CACNA2D3: variants seen among roughly 807,000 people sequenced by gnomAD.
CACNA2D3 encodes the protein voltage-dependent calcium channel subunit alpha-2/delta-3.
A neutral mutation model predicts 160.6 loss-of-function variants in CACNA2D3; 60 were observed. The observed-to-expected ratio is 0.37, with a 90% CI of 0.30 to 0.46. The LOEUF (loss-of-function observed/expected upper bound fraction) is 0.46. Ranked by LOEUF, CACNA2D3 falls within the 20% of genes least tolerant of loss-of-function variation. The probability of loss-of-function intolerance (pLI) is 1.00; values close to 1 mark genes in which losing one functional copy is unlikely to be tolerated. For missense variants in CACNA2D3, 1,205 were observed against 1,365.0 expected (o/e 0.88, Z 1.85); for synonymous variants, 558 against 492.9 (o/e 1.13, Z -1.75).
At chr3:54,250,010 ACT>A (rs1262081148) in intron 2 of CACNA2D3, among the ~76,000 whole-genome samples, 1 of 152,190 alleles carries the variant, frequency 6.6e-6, no homozygotes, top group Non-Finnish European at 1.5e-5. Flanking sequence ...CCCAGAGAAC[ACT>A]GTTTTTCTCT....
chr3:54,217,765 C>T (rs1008739555), intron 2 of CACNA2D3, among the ~76,000 whole-genome samples: 2 of 152,108 alleles, frequency 1.3e-5, no homozygotes, highest in African/African-American at 4.8e-5. Context: ...ATGCATGGCC[C>T]TCAGAACTGG....
chr3:54,255,762 A>G lies in CACNA2D3; in HGVS notation c.205-64680A>G, dbSNP rs76577401. Among the ~76,000 whole-genome samples the G allele has an allele frequency of 6.6e-5, 10 of 152,068 alleles. No homozygotes were observed. The East Asian group carries it at 1.9e-3, about 29-fold the overall frequency. On this transcript the variant is annotated intron_variant, in intron 2 of 37. Transcript: ENST00000474759. The stretch of plus-strand genomic sequence containing the variant: ...GGCCTTTGCTTATGTTGTTTACTCT[A>G]CCTAAGAGCCTCTTCTTTACCTCTA...
chr3:55,051,027 A>C (rs964201094), intron 35 of CACNA2D3, among the ~76,000 whole-genome samples: 1 of 148,352 alleles, frequency 6.7e-6, no homozygotes, highest in African/African-American at 2.5e-5. Flanking sequence ...CAAAGTTTTC[A>C]ACTTCTTTGC....
chr3:54,322,751 C>A (rs1025642717), intron 3 of CACNA2D3, among the ~76,000 whole-genome samples: 6 of 151,788 alleles, frequency 4.0e-5, no homozygotes, highest in Admixed American at 3.9e-4. Flanking sequence ...CAGGAGGGAA[C>A]GTGAACTGGG....
intron 5 of CACNA2D3, among the ~76,000 whole-genome samples, chr3:54,556,296 GGAGA>G (rs1310370067): frequency 6.6e-6 from 1 of 152,066 alleles, no homozygotes; most frequent in African/African-American, 2.4e-5. Flanking sequence ...CTGAGACAAA[GGAGA>G]GAGAGAGATT....
At chr3:54,300,929 G>C (rs1376112654) in intron 2 of CACNA2D3, among the ~76,000 whole-genome samples, 1 of 152,000 alleles carries the variant, frequency 6.6e-6, no homozygotes, top group Non-Finnish European at 1.5e-5. Context: ...GTTGAGACCA[G>C]ATGATCATTT....
At chr3:54,319,157 GACACACACACACACAC>G (rs58790730) in intron 2 of CACNA2D3, among the ~76,000 whole-genome samples, 26 of 138,966 alleles carry the variant, frequency 1.9e-4, no homozygotes, top group Middle Eastern at 3.6e-3. Context: ...AGCATTTTGT[GACACACACACACACAC>G]ACACACACAC....
At chr3:54,491,823 A>C (rs970122920) in intron 4 of CACNA2D3, among the ~76,000 whole-genome samples, 2 of 152,170 alleles carry the variant, frequency 1.3e-5, no homozygotes, top group African/African-American at 4.8e-5. Flanking sequence ...TTTGCAGAAA[A>C]AGTTTGCCAA....
At chr3:54,843,495 C>T (rs547870135) in intron 16 of CACNA2D3, among the ~76,000 whole-genome samples, 32 of 152,056 alleles carry the variant, frequency 2.1e-4, no homozygotes, top group Non-Finnish European at 3.7e-4. Context: ...CTGCCGTGTG[C>T]CTTGAGTGGC....
At chr3:55,055,996 C>G (rs193302246) in intron 35 of CACNA2D3, among the ~76,000 whole-genome samples, 158 of 152,150 alleles carry the variant, frequency 1.0e-3, no homozygotes, top group South Asian at 2.1e-3. Flanking sequence ...AAACAATTAA[C>G]AGTGTGAATA....
chr3:54,145,145 T>G (rs1319410782), intron 2 of CACNA2D3, among the ~76,000 whole-genome samples: 1 of 152,252 alleles, frequency 6.6e-6, no homozygotes, highest in Admixed American at 6.5e-5. Flanking sequence ...GCAAACTGTC[T>G]GTTTAAGCTC....
chr3:54,361,721 GT>G (rs1698746016), intron 3 of CACNA2D3, among the ~76,000 whole-genome samples: 4 of 152,140 alleles, frequency 2.6e-5, no homozygotes. Context: ...TGAGCCTCAG[GT>G]TTTTGTCTGG....
chr3:55,059,901 C>T (rs569843325), intron 35 of CACNA2D3, among the ~76,000 whole-genome samples: 3 of 152,174 alleles, frequency 2.0e-5, no homozygotes, highest in Middle Eastern at 3.4e-3. Context: ...TTCAGATGCT[C>T]CTTTTCTTCT....
intron 4 of CACNA2D3, among the ~76,000 whole-genome samples, chr3:54,394,308 G>C (rs1034055942): frequency 1.4e-5 from 2 of 144,556 alleles, no homozygotes; most frequent in Non-Finnish European, 3.0e-5. Flanking sequence ...CCCTGCCTTG[G>C]AGAGTGAACA....
Position 54,871,210 on chromosome 3 carries a change from CACACACACACA to C in CACNA2D3, c.1627-328_1627-318del, listed in dbSNP as rs776032732. On this transcript the variant is annotated intron_variant, in intron 17 of 37. Transcript: ENST00000474759. ...ACACACACACACACACACACACACA[CACACACACACA>C]CACCCCCCATTCAAGGAGGGGACAG... Among the ~76,000 whole-genome samples, 5 of 116,356 alleles carry C rather than the reference CACACACACACA, an allele frequency of 4.3e-5. 1 individual carries two copies. Among genetic ancestry groups the C allele is most frequent in the Admixed American group, 2.2e-4 (2 of 9,278 alleles). The allele number at this position is 116,356 out of a possible 152,430, so 76.3% of individuals were successfully genotyped here. A position where few individuals can be genotyped will look rare whatever the true frequency, so the allele number is the denominator to read the frequency against.
At chr3:54,593,379 CAGAA>C (rs1270614143) in intron 9 of CACNA2D3, among the ~76,000 whole-genome samples, 1 of 148,544 alleles carries the variant, frequency 6.7e-6, no homozygotes, top group East Asian at 2.0e-4. Flanking sequence ...TGCTTAAAGA[CAGAA>C]AGAAAGAAGG....
chr3:54,473,390 G>T (rs1700771987), intron 4 of CACNA2D3, among the ~76,000 whole-genome samples: 1 of 152,120 alleles, frequency 6.6e-6, no homozygotes. Context: ...ACTCAGGATG[G>T]ATTAAAGACT....
At chr3:54,346,615 C>T (rs962959545) in intron 3 of CACNA2D3, among the ~76,000 whole-genome samples, 3 of 152,118 alleles carry the variant, frequency 2.0e-5, no homozygotes, top group Non-Finnish European at 4.4e-5. Flanking sequence ...CTGCCCCCTC[C>T]AGTTTCTCGC....
chr3:54,940,680 A>G (rs1374455893), intron 27 of CACNA2D3, among the ~76,000 whole-genome samples: 1 of 152,204 alleles, frequency 6.6e-6, no homozygotes, highest in Non-Finnish European at 1.5e-5. Flanking sequence ...AAAAGAAGCA[A>G]ACAATAAGGC....
Sources: allele counts gnomAD v4.1 joint callset (sites outside exome capture counted in the v4.1 genomes callset), GRCh38; gene constraint gnomAD v4.1.1; transcripts MANE v1.5; gene names NCBI Gene and HGNC (gene_info 2026-07-23, HGNC 2026-07-21).